Variants in LSS observed in about 807,000 individuals in gnomAD.
LSS encodes lanosterol synthase.
A neutral mutation model predicts 110.3 loss-of-function variants in LSS; 90 were observed. The ratio of observed to expected loss-of-function variants is 0.82; its 90% confidence interval spans 0.69 to 0.97. The LOEUF (loss-of-function observed/expected upper bound fraction) is 0.97, where lower values mean the gene tolerates loss of function less well. Among genes scored for constraint, LSS ranks in the 50% least tolerant of loss-of-function variants. The pLI is 0.00. For synonymous variants in LSS, 433 were observed against 400.0 expected (o/e 1.08, Z -0.98); for missense variants, 927 against 990.0 (o/e 0.94, Z 0.85).
intron 13 of LSS, among the ~76,000 whole-genome samples, chr21:46,208,979 A>T (rs2080091196): frequency 6.6e-6 from 1 of 152,186 alleles, no homozygotes; most frequent in Non-Finnish European, 1.5e-5. Context: ...ACACTGGCTG[A>T]GGCCGTGGCC....
intron 11 of LSS, among the ~76,000 whole-genome samples, chr21:46,211,347 T>C (rs1308476534): frequency 6.6e-6 from 1 of 152,140 alleles, no homozygotes; most frequent in Non-Finnish European, 1.5e-5. Context: ...GCCAGGATGG[T>C]CTCTATCTCC....
chr21:46,222,563 A>G, intron 4 of LSS, 67 bp downstream of exon 4: 1 of 1,427,398 alleles, frequency 7.0e-7, no homozygotes, highest in Non-Finnish European at 9.7e-7. Flanking sequence ...TGGAAACCCA[A>G]GCATCTCCTA....
At chr21:46,215,856 G>T in intron 7 of LSS, 63 bp from the exon 8 acceptor site, 1 of 1,147,662 alleles carries the variant, frequency 8.7e-7, no homozygotes. Flanking sequence ...GCTCAAACCA[G>T]GAGGGGTGGC....
At position 46,216,608 on chromosome 21, in the gene LSS, AG is replaced by A; in HGVS notation, c.648-85del. On this transcript the variant is annotated intron_variant, in intron 6 of 21. Transcript: ENST00000397728. The surrounding 1 kb of genome is among the most constrained non-coding windows in gnomAD (Gnocchi z 4.2). ...AGCATCCATACCTTGGGCCCTTTCA[AG>A]CACGAACACTGGTGGATGGCTATTC... 1 of 1,436,852 alleles carries A rather than the reference AG, an allele frequency of 7.0e-7. No individual in the cohort carries two copies. Among genetic ancestry groups the A allele is most frequent in the Non-Finnish European group, 9.2e-7 (1 of 1,086,164 alleles). 89.0% of individuals were successfully genotyped at this position (1,436,852 alleles called of 1,614,324 possible). A position where few individuals can be genotyped will look rare whatever the true frequency, so the allele number is the denominator to read the frequency against.
Position 46,189,753 on chromosome 21 carries a change from A to C in LSS, c.*1351T>G, listed in dbSNP as rs1363212213. 1.8e-5 allele frequency: 8 copies of C among 457,120 alleles called. No homozygotes were observed. The highest frequency in any genetic ancestry group is 9.4e-5 in the Admixed American group (4 of 42,590). The allele number at this position is 457,120 out of a possible 1,614,324, so 28.3% of individuals were successfully genotyped here. A position where few individuals can be genotyped will look rare whatever the true frequency, so the allele number is the denominator to read the frequency against. On this transcript the variant is annotated 3_prime_UTR_variant, in exon 22 of 22. Transcript: ENST00000397728. ...CTGCCCAGAAGGCGGCAGGGAGGGG[A>C]AGAGCAGATAAGGAGGTATAGGGTG...
At position 46,188,470 on chromosome 21, in the gene LSS, C is replaced by T. The variant is rs993598038; in HGVS notation, c.*2634G>A. On this transcript the variant is annotated 3_prime_UTR_variant, in exon 22 of 22. Coordinates refer to ENST00000397728, the MANE Select transcript of LSS (RefSeq NM_002340.6). ...ATCTTTCATGACTGATTTTTAATCA[C>T]ACTGAGGCAAATATCCCCCTCAGAC... 16 of 311,622 alleles carry T rather than the reference C, an allele frequency of 5.1e-5. No homozygotes were observed. Among genetic ancestry groups the T allele is most frequent in the Non-Finnish European group, 8.0e-5 (12 of 150,266 alleles). 19.3% of individuals were successfully genotyped at this position (311,622 alleles called of 1,614,324 possible).
chr21:46,207,609 G>C, intron 14 of LSS, 32 bp from the exon 15 acceptor site: 1 of 1,599,244 alleles, frequency 6.3e-7, no homozygotes, highest in Non-Finnish European at 8.5e-7. Flanking sequence ...TCCAGGCTGG[G>C]GGTGTCCACA....
At chr21:46,204,855 A>G (rs976172203) in intron 17 of LSS, among the ~76,000 whole-genome samples, 2 of 152,170 alleles carry the variant, frequency 1.3e-5, no homozygotes, top group Admixed American at 1.3e-4. Context: ...AAAACATTAT[A>G]AAGAAAAAAA....
In LSS at chr21:46,193,295, C is replaced by T. The variant is rs754806353; in HGVS notation, c.1988+1196G>A. ...GTGTGCATGTGTCTCCATGTACCTA[C>T]GTCTGTGTGTGTCACAGATGGCATG... On this transcript the variant is annotated intron_variant, in intron 20 of 21. Coordinates refer to ENST00000397728, the MANE Select transcript of LSS (RefSeq NM_002340.6). 1.0e-4 allele frequency: 19 copies of T among 187,144 alleles called. 7 individuals carry two copies. The highest frequency in any genetic ancestry group is 1.3e-4 in the Non-Finnish European group (13 of 97,072). The allele number at this position is 187,144 out of a possible 1,614,324, so 11.6% of individuals were successfully genotyped here.
chr21:46,221,861 G>A lies in LSS; in HGVS notation c.543C>T (p.His181=), dbSNP rs1172479480. Residue 181 remains histidine (H), a synonymous_variant, in exon 5 of 22, where the codon CAC becomes CAT. Transcript: ENST00000397728. ...ATGCTGCACATGCCGTACCTTTCTT[G>A]TGAAGAATGTTCCGGGCTCGTACCA... ...PDLVRARNIL[H]KKGGAVAIPS... 1 of 1,614,124 alleles carries A rather than the reference G, an allele frequency of 6.2e-7. No individual in the cohort carries two copies. Among genetic ancestry groups the A allele is most frequent in the Admixed American group, 1.7e-5 (1 of 60,024 alleles).
At chr21:46,195,331 A>G (rs1044578907) in intron 19 of LSS, among the ~76,000 whole-genome samples, 1 of 152,346 alleles carries the variant, frequency 6.6e-6, no homozygotes, top group African/African-American at 2.4e-5. Flanking sequence ...CTGTAACCCC[A>G]GCACTTTGGA....
chr21:46,192,025 C>T, intron 20 of LSS, 66 bp from the exon 21 acceptor site: 2 of 1,204,858 alleles, frequency 1.7e-6, no homozygotes, highest in Admixed American at 3.7e-5. Context: ...CTCACCCTCA[C>T]ACAGCCGAGC....
At chr21:46,194,446 C>T (rs1464967311) in intron 20 of LSS, 45 bp downstream of exon 20, 1 of 1,607,434 alleles carries the variant, frequency 6.2e-7, no homozygotes, top group Admixed American at 1.7e-5. Context: ...GAGTGTCCCT[C>T]CTCTACCCAA....
intron 20 of LSS, chr21:46,192,170 A>G (rs2079825845): frequency 1.6e-6 from 1 of 610,948 alleles, no homozygotes; most frequent in Non-Finnish European, 2.9e-6. Context: ...GCGGAGCCAC[A>G]GCAATGACAG....
At chr21:46,222,098 C>T in intron 4 of LSS, 123 bp from the exon 5 acceptor site, 3 of 1,081,592 alleles carry the variant, frequency 2.8e-6, no homozygotes, top group East Asian at 2.6e-5. Context: ...CCTGACATAA[C>T]ATGCCAACAC....
At chr21:46,193,665 G>A (rs1193041179) in intron 20 of LSS, 6 of 452,874 alleles carry the variant, frequency 1.3e-5, no homozygotes, top group Admixed American at 7.1e-5. Context: ...ATGTCTGTGT[G>A]TGGCACAGAT....
chr21:46,194,507 C>A lies in LSS; in HGVS notation c.1972G>T (p.Gly658Trp). Residue 658 changes from glycine (G) to tryptophan (W), a missense_variant, in exon 20 of 22, where the codon GGG (glycine) becomes TGG (tryptophan). Physicochemically the swap from Gly to Trp is radical, Grantham distance 184. Transcript: ENST00000397728. Reference sequence around the variant, plus strand: ...CGTCCCCACCGAACGGCCATCAGCCCCATCATGGCCCAGCATGTGTTATGG... The same window carrying A: ...CGTCCCCACCGAACGGCCATCAGCCACATCATGGCCCAGCATGTGTTATGG... Reference protein sequence around the residue: ...QIHNTCWAMMGLMAVRHPDIE... With the variant: ...QIHNTCWAMMWLMAVRHPDIE... The A allele has an allele frequency of 2.5e-6, 4 of 1,613,754 alleles. No individual in the cohort carries two copies. The highest frequency in any genetic ancestry group is 3.4e-6 in the Non-Finnish European group (4 of 1,180,024).
chr21:46,222,257 G>A, intron 4 of LSS: 1 of 535,808 alleles, frequency 1.9e-6, no homozygotes, highest in Non-Finnish European at 3.4e-6. Flanking sequence ...GTCCACTTTG[G>A]GCTATGGCTC....
chr21:46,212,345 G>C (rs1280458214), intron 11 of LSS, among the ~76,000 whole-genome samples: 5 of 152,194 alleles, frequency 3.3e-5, no homozygotes, highest in Non-Finnish European at 7.3e-5. Flanking sequence ...TCAGGTGGGG[G>C]ACAGAAGACA....
Sources: gnomAD v4.1 joint callset for allele counts (sites outside exome capture counted in the v4.1 genomes callset) on GRCh38, gnomAD v4.1.1 for gene constraint, Gnocchi (gnomAD v3.1) non-coding constraint, MANE v1.5 for transcripts, NCBI Gene and HGNC (gene_info 2026-07-23, HGNC 2026-07-21) for gene names.